PCDH9: variants seen among roughly 807,000 people sequenced by gnomAD.
PCDH9 encodes the protein protocadherin-9.
In PCDH9, 24 loss-of-function variants were observed where a neutral mutation model predicts 70.6. That is an observed-to-expected ratio of 0.34 (90% CI 0.25 to 0.48). The LOEUF (loss-of-function observed/expected upper bound fraction) is 0.48. Ranked by LOEUF, PCDH9 falls within the 20% of genes least tolerant of loss-of-function variation. The pLI, the probability that PCDH9 is intolerant of heterozygous loss-of-function variation, is 0.99. For missense variants in PCDH9, 1,281 were observed against 1,503.6 expected (o/e 0.85, Z 2.45); for synonymous variants, 562 against 558.5 (o/e 1.01, Z -0.09).
At chr13:66,715,000 G>C (rs2078850622) in intron 3 of PCDH9, among the ~76,000 whole-genome samples, 1 of 152,198 alleles carries the variant, frequency 6.6e-6, no homozygotes, top group South Asian at 2.1e-4. Context: ...GCCTCTACTG[G>C]AGACAGCATG....
chr13:66,828,690 CAGAG>C (rs908035505), intron 3 of PCDH9, among the ~76,000 whole-genome samples: 8 of 151,894 alleles, frequency 5.3e-5, no homozygotes, highest in Non-Finnish European at 7.4e-5. Flanking sequence ...GAAAAAGAGA[CAGAG>C]AGAGGGAGAA....
At chr13:66,779,655 T>C (rs1396492193) in intron 3 of PCDH9, among the ~76,000 whole-genome samples, 1 of 151,934 alleles carries the variant, frequency 6.6e-6, no homozygotes, top group South Asian at 2.1e-4. Flanking sequence ...ACCCTGTCTC[T>C]ACTAAAAATA....
At chr13:66,953,461 T>C (rs2083217044) in intron 2 of PCDH9, among the ~76,000 whole-genome samples, 2 of 152,202 alleles carry the variant, frequency 1.3e-5, no homozygotes, top group African/African-American at 4.8e-5. Flanking sequence ...CATTGCAATA[T>C]TTGTTTTATA....
chr13:66,404,839 A>G (rs1202219886), intron 4 of PCDH9, among the ~76,000 whole-genome samples: 1 of 152,092 alleles, frequency 6.6e-6, no homozygotes, highest in African/African-American at 2.4e-5. Context: ...ATACTTACTT[A>G]CTTCACTTAT....
intron 3 of PCDH9, among the ~76,000 whole-genome samples, chr13:66,674,024 A>C (rs2078211549): frequency 6.6e-6 from 1 of 152,106 alleles, no homozygotes; most frequent in Admixed American, 6.6e-5. Context: ...CAAATATTAT[A>C]ATTTTATCCA....
intron 2 of PCDH9, among the ~76,000 whole-genome samples, chr13:66,927,198 C>T (rs561159368): frequency 3.6e-4 from 54 of 152,038 alleles, no homozygotes; most frequent in Non-Finnish European, 6.3e-4. Context: ...TCCCATAGAC[C>T]GGTGGCTTAA....
chr13:67,036,940 G>A (rs989362924), intron 2 of PCDH9, among the ~76,000 whole-genome samples: 8 of 152,146 alleles, frequency 5.3e-5, no homozygotes, highest in South Asian at 4.1e-4. Flanking sequence ...GCAGTTGTCC[G>A]GATGAAATGG....
At chr13:66,784,714 A>C (rs1206141687) in intron 3 of PCDH9, among the ~76,000 whole-genome samples, 1 of 152,196 alleles carries the variant, frequency 6.6e-6, no homozygotes, top group Non-Finnish European at 1.5e-5. Context: ...GTATTAAAAC[A>C]ATCAAACTAA....
At chr13:66,308,173 T>C (rs1401816179) in intron 4 of PCDH9, among the ~76,000 whole-genome samples, 1 of 152,100 alleles carries the variant, frequency 6.6e-6, no homozygotes, top group Non-Finnish European at 1.5e-5. Flanking sequence ...TTATAACTTA[T>C]CAGATAGACT....
intron 2 of PCDH9, among the ~76,000 whole-genome samples, chr13:66,964,619 A>C (rs982309056): frequency 6.6e-6 from 1 of 152,116 alleles, no homozygotes; most frequent in South Asian, 2.1e-4. Context: ...AAATGTAAAA[A>C]AAAAAAATAT....
intron 2 of PCDH9, among the ~76,000 whole-genome samples, chr13:67,186,865 G>A (rs560018472): frequency 6.6e-6 from 1 of 151,994 alleles, no homozygotes; most frequent in Admixed American, 6.6e-5. Flanking sequence ...GGCTTTATAA[G>A]GCTCAGCTGT....
chr13:67,049,091 C>A (rs1024966914), intron 2 of PCDH9, among the ~76,000 whole-genome samples: 6 of 152,164 alleles, frequency 3.9e-5, no homozygotes, highest in African/African-American at 1.2e-4. Flanking sequence ...TGTTTGTTCT[C>A]TTTAACATTT....
intron 3 of PCDH9, among the ~76,000 whole-genome samples, chr13:66,726,005 T>C (rs1297671654): frequency 1.3e-5 from 2 of 152,228 alleles, no homozygotes; most frequent in Non-Finnish European, 2.9e-5. Flanking sequence ...CAATTACTTT[T>C]GCATCAACGT....
intron 4 of PCDH9, among the ~76,000 whole-genome samples, chr13:66,464,517 T>C (rs185975251): frequency 7.9e-5 from 12 of 152,034 alleles, no homozygotes; most frequent in Admixed American, 7.2e-4. Flanking sequence ...GTTTATATAA[T>C]TGACTTTACT....
At chr13:67,090,023 T>C (rs529551118) in intron 2 of PCDH9, among the ~76,000 whole-genome samples, 3 of 152,184 alleles carry the variant, frequency 2.0e-5, no homozygotes, top group Admixed American at 2.0e-4. Flanking sequence ...CTCATGTCTG[T>C]TGAGACTTGT....
At chr13:67,158,531 C>A (rs536594216) in intron 2 of PCDH9, among the ~76,000 whole-genome samples, 1 of 152,234 alleles carries the variant, frequency 6.6e-6, no homozygotes, top group Admixed American at 6.5e-5. Context: ...GTTAGTGCCC[C>A]TATATGAAAA....
At chr13:66,393,722 G>C (rs1290157703) in intron 4 of PCDH9, among the ~76,000 whole-genome samples, 1 of 152,196 alleles carries the variant, frequency 6.6e-6, no homozygotes, top group African/African-American at 2.4e-5. Context: ...GTGAAAGAAA[G>C]ATCAAGGTTA....
Position 67,195,236 on chromosome 13 carries a change from C to T in PCDH9, c.3036+30169G>A, listed in dbSNP as rs554867491. ...TCTCAGCTCACTGCAAGCTCCGCCT[C>T]CCAGGTTCATGCCATTCTCCTGCCT... On this transcript the variant is annotated intron_variant, in intron 2 of 4. Transcript: ENST00000377865. 2.6e-5 allele frequency among the ~76,000 whole-genome samples: 4 copies of T among 152,036 alleles called. No homozygotes were observed. In the South Asian group the frequency reaches 6.2e-4, roughly 24 times the overall value.
chr13:67,199,349 AT>A (rs1026404213), intron 2 of PCDH9, among the ~76,000 whole-genome samples: 1 of 151,734 alleles, frequency 6.6e-6, no homozygotes, highest in African/African-American at 2.4e-5. Context: ...GTTAGTCATA[AT>A]TTTTTTCCTT....
Sources: allele counts gnomAD v4.1 joint callset (sites outside exome capture counted in the v4.1 genomes callset), GRCh38; gene constraint gnomAD v4.1.1; transcripts MANE v1.5; gene names NCBI Gene and HGNC (gene_info 2026-07-23, HGNC 2026-07-21).